Variants in PDE4D observed in about 807,000 individuals in gnomAD.
PDE4D encodes 3',5'-cyclic-AMP phosphodiesterase 4D.
Under a neutral mutation model 87.4 loss-of-function variants are expected in PDE4D, and 24 were observed. The observed-to-expected ratio is 0.27, with a 90% confidence interval of 0.20 to 0.39. The LOEUF (loss-of-function observed/expected upper bound fraction) is 0.39, where lower values mean the gene tolerates loss of function less well. Ranked by LOEUF, PDE4D falls within the 10% of genes least tolerant of loss-of-function variation. The probability of loss-of-function intolerance (pLI) is 1.00; values close to 1 mark genes in which losing one functional copy is unlikely to be tolerated. For synonymous variants in PDE4D, 384 were observed against 383.2 expected (o/e 1.00, Z -0.02); for missense variants, 714 against 1,041.0 (o/e 0.69, Z 4.32).
intron 2 of PDE4D, among the ~76,000 whole-genome samples, chr5:60,169,007 T>C (rs1305088384): frequency 4.6e-5 from 7 of 152,220 alleles, no homozygotes; most frequent in Admixed American, 2.0e-4. Context: ...ATTACTACTT[T>C]TTTCATTTTG....
chr5:59,791,945 T>A (rs1284497526), intron 1 of PDE4D, among the ~76,000 whole-genome samples: 1 of 152,210 alleles, frequency 6.6e-6, no homozygotes, highest in Non-Finnish European at 1.5e-5. Flanking sequence ...CTGGGTACTC[T>A]GACTACACAA....
chr5:59,204,447 A>G (rs1748282296), intron 2 of PDE4D, among the ~76,000 whole-genome samples: 1 of 152,244 alleles, frequency 6.6e-6, no homozygotes, highest in South Asian at 2.1e-4. Context: ...CACAAAGACT[A>G]TCTCTGTTAG....
intron 1 of PDE4D, among the ~76,000 whole-genome samples, chr5:60,200,080 G>A (rs541176660): frequency 4.0e-5 from 6 of 151,734 alleles, no homozygotes; most frequent in Admixed American, 2.0e-4. Context: ...CTAACACTAT[G>A]AGAACAATCA....
intron 1 of PDE4D, among the ~76,000 whole-genome samples, chr5:59,535,076 T>TGGG (rs72213048): frequency 9.3e-6 from 1 of 107,520 alleles, no homozygotes; most frequent in African/African-American, 3.2e-5. Flanking sequence ...TGTGTGTGTG[T>TGGG]GGGGGGGGGG....
intron 5 of PDE4D, among the ~76,000 whole-genome samples, chr5:59,075,142 A>G (rs1765484942): frequency 6.6e-6 from 1 of 150,522 alleles, no homozygotes; most frequent in Non-Finnish European, 1.5e-5. Context: ...AATTATGTCT[A>G]CCATGGGCAT....
chr5:59,946,726 G>A (rs1757760201), intron 3 of PDE4D, among the ~76,000 whole-genome samples: 1 of 152,254 alleles, frequency 6.6e-6, no homozygotes, highest in African/African-American at 2.4e-5. Flanking sequence ...GTTATCTATT[G>A]TGAAAAGCAA....
At chr5:60,057,676 G>A (rs994896486) in intron 2 of PDE4D, among the ~76,000 whole-genome samples, 9 of 151,866 alleles carry the variant, frequency 5.9e-5, no homozygotes, top group Middle Eastern at 6.3e-3. Flanking sequence ...TGTAAATATC[G>A]AGATAAATAA....
At chr5:59,584,493 C>A (rs916755131) in intron 1 of PDE4D, among the ~76,000 whole-genome samples, 1 of 152,152 alleles carries the variant, frequency 6.6e-6, no homozygotes, top group Non-Finnish European at 1.5e-5. Context: ...AAAAGAAAAC[C>A]AACAGGACTC....
At chr5:59,517,031 TG>T (rs1203236822) in intron 1 of PDE4D, among the ~76,000 whole-genome samples, 3 of 152,194 alleles carry the variant, frequency 2.0e-5, no homozygotes, top group African/African-American at 7.2e-5. Flanking sequence ...AATTATTGCC[TG>T]TGGATTTTTC....
At chr5:60,102,523 T>A (rs1776329767) in intron 2 of PDE4D, among the ~76,000 whole-genome samples, 3 of 152,072 alleles carry the variant, frequency 2.0e-5, no homozygotes, top group African/African-American at 7.2e-5. Flanking sequence ...CTAAATAAAT[T>A]CAGAGAATTT....
At chr5:59,060,192 GTTGAA>G (rs997687829) in intron 5 of PDE4D, among the ~76,000 whole-genome samples, 35 of 152,258 alleles carry the variant, frequency 2.3e-4, no homozygotes, top group African/African-American at 8.4e-4. Flanking sequence ...TGGATGGTGA[GTTGAA>G]TTTAGCAACA....
intron 1 of PDE4D, among the ~76,000 whole-genome samples, chr5:59,887,531 G>T (rs1263045909): frequency 6.6e-6 from 1 of 152,140 alleles, no homozygotes; most frequent in Non-Finnish European, 1.5e-5. Context: ...CCTGTAGATG[G>T]ATAATAAGCT....
At chr5:59,387,257 T>A (rs1787262657) in intron 1 of PDE4D, among the ~76,000 whole-genome samples, 1 of 152,210 alleles carries the variant, frequency 6.6e-6, no homozygotes, top group African/African-American at 2.4e-5. Flanking sequence ...TTATTTAGCT[T>A]CCAGTAATAT....
intron 2 of PDE4D, among the ~76,000 whole-genome samples, chr5:59,195,712 G>T (rs7444432): frequency 0.12 from 18,428 of 152,232 alleles, 1,240 homozygotes; most frequent in Admixed American, 0.19. Context: ...CACATACATA[G>T]AGTGATGTTT....
chr5:59,487,461 G>A (rs1805357357), intron 1 of PDE4D, among the ~76,000 whole-genome samples: 1 of 152,140 alleles, frequency 6.6e-6, no homozygotes, highest in Non-Finnish European at 1.5e-5. Flanking sequence ...CACAGCACAA[G>A]GGACTTGCTG....
chr5:60,291,820 A>C (rs1752924339), intron 1 of PDE4D, among the ~76,000 whole-genome samples: 1 of 152,202 alleles, frequency 6.6e-6, no homozygotes, highest in Non-Finnish European at 1.5e-5. Flanking sequence ...ACTTCCGGGA[A>C]TCTATTCTAA....
At chr5:59,482,806 A>G (rs1289150191) in intron 1 of PDE4D, among the ~76,000 whole-genome samples, 1 of 152,168 alleles carries the variant, frequency 6.6e-6, no homozygotes, top group Non-Finnish European at 1.5e-5. Context: ...TATTTCCTAC[A>G]TAAATCTACT....
chr5:60,231,141 T>C (rs1248404577), intron 1 of PDE4D, among the ~76,000 whole-genome samples: 1 of 151,964 alleles, frequency 6.6e-6, no homozygotes, highest in African/African-American at 2.4e-5. Context: ...GGAGAACAGA[T>C]TCATTCTTCC....
chr5:60,503,929 C>A (rs1385053213), intron 1 of PDE4D, among the ~76,000 whole-genome samples: 1 of 152,102 alleles, frequency 6.6e-6, no homozygotes, highest in Non-Finnish European at 1.5e-5. Flanking sequence ...CAAACCCAGT[C>A]AGAATGACAA....
Sources: gnomAD v4.1 joint callset for allele counts (sites outside exome capture counted in the v4.1 genomes callset) on GRCh38, gnomAD v4.1.1 for gene constraint, MANE v1.5 for transcripts, NCBI Gene and HGNC (gene_info 2026-07-23, HGNC 2026-07-21) for gene names.